Variants in PSD3 observed in about 807,000 individuals in gnomAD.
The protein encoded by PSD3 is pleckstrin and Sec7 domain containing 3, also known as PH and SEC7 domain-containing protein 3.
A neutral mutation model predicts 105.5 loss-of-function variants in PSD3; 49 were observed. The observed-to-expected ratio is 0.46, with a 90% confidence interval of 0.37 to 0.59. The LOEUF (loss-of-function observed/expected upper bound fraction) is 0.59. PSD3 is among the 20% of genes least tolerant of loss of function. PSD3 has a pLI of 0.00. For missense variants in PSD3, 1,561 were observed against 1,263.8 expected (o/e 1.24, Z -3.57); for synonymous variants, 557 against 457.8 (o/e 1.22, Z -2.77).
At chr8:18,563,092 T>A (rs1801502310) in intron 14 of PSD3, among the ~76,000 whole-genome samples, 1 of 152,148 alleles carries the variant, frequency 6.6e-6, no homozygotes, top group South Asian at 2.1e-4. Context: ...GATTACAAGC[T>A]CTTAAAAAGG....
At chr8:18,815,721 C>T (rs1812164209) in intron 4 of PSD3, among the ~76,000 whole-genome samples, 1 of 152,116 alleles carries the variant, frequency 6.6e-6, no homozygotes, top group Non-Finnish European at 1.5e-5. Context: ...TGTCCCTCTC[C>T]TGCTGACACA....
intron 1 of PSD3, among the ~76,000 whole-genome samples, chr8:19,008,236 A>C (rs1826788602): frequency 6.9e-6 from 1 of 145,650 alleles, no homozygotes; most frequent in South Asian, 2.1e-4. Flanking sequence ...TCGGCGAAAC[A>C]TAAAAATCTG....
At chr8:18,791,432 A>G (rs767455760) in intron 8 of PSD3, among the ~76,000 whole-genome samples, 2 of 152,200 alleles carry the variant, frequency 1.3e-5, no homozygotes, top group Non-Finnish European at 1.5e-5. Flanking sequence ...CTGCATGCCT[A>G]CAACCATCTG....
Position 18,528,314 on chromosome 8 carries a change from G to A in PSD3, c.*7429C>T, listed in dbSNP as rs948421076. 4 of 152,216 alleles carry A rather than the reference G, an allele frequency of 2.6e-5. No homozygotes were observed. Among genetic ancestry groups the A allele is most frequent in the African/African-American group, 9.7e-5 (4 of 41,442 alleles). The allele number at this position is 152,216 out of a possible 1,614,324, so 9.4% of individuals were successfully genotyped here. The stretch of plus-strand genomic sequence containing the variant: ...AGCCATTTCCAGGAATCTGGGTGTG[G>A]AGGCAAAGATATCGTCCGTCCGTAG... On this transcript the variant is annotated 3_prime_UTR_variant, in exon 16 of 16. Transcript: ENST00000327040.
At chr8:18,645,230 A>C (rs544833694) in intron 10 of PSD3, among the ~76,000 whole-genome samples, 2 of 152,352 alleles carry the variant, frequency 1.3e-5, no homozygotes, top group East Asian at 3.9e-4. Context: ...ACACCATAGC[A>C]AGAGTCTTCC....
intron 1 of PSD3, among the ~76,000 whole-genome samples, chr8:19,028,196 C>A (rs893410789): frequency 1.3e-5 from 2 of 151,762 alleles, no homozygotes; most frequent in African/African-American, 4.8e-5. Flanking sequence ...TACTGAGCAT[C>A]CATCCTTTCA....
At chr8:19,061,384 C>CTA (rs569177262) in intron 1 of PSD3, among the ~76,000 whole-genome samples, 392 of 152,204 alleles carry the variant, frequency 2.6e-3, no homozygotes, top group African/African-American at 9.2e-3. Flanking sequence ...ACAAAACACG[C>CTA]TATTATTAAC....
intron 1 of PSD3, among the ~76,000 whole-genome samples, chr8:19,070,376 A>G (rs1829213236): frequency 6.6e-6 from 1 of 151,602 alleles, no homozygotes; most frequent in Admixed American, 6.6e-5. Context: ...GTGCAAAAAA[A>G]AAAAAAAAAC....
At chr8:18,836,603 C>A (rs1023552859) in intron 4 of PSD3, among the ~76,000 whole-genome samples, 1 of 152,122 alleles carries the variant, frequency 6.6e-6, no homozygotes, top group African/African-American at 2.4e-5. Context: ...GGGATTAGTT[C>A]CAGGGTCCTT....
intron 14 of PSD3, among the ~76,000 whole-genome samples, chr8:18,566,945 C>G (rs1801809767): frequency 6.6e-6 from 1 of 152,160 alleles, no homozygotes; most frequent in Non-Finnish European, 1.5e-5. Flanking sequence ...GGAAAACACG[C>G]AAACAGATGA....
At chr8:18,959,471 ACT>A in intron 1 of PSD3, among the ~76,000 whole-genome samples, 1 of 151,654 alleles carries the variant, frequency 6.6e-6, no homozygotes, top group Non-Finnish European at 1.5e-5. Context: ...TAAAGCTCAC[ACT>A]CTAGCTCTGC....
At chr8:18,984,576 G>A (rs1825404153) in intron 1 of PSD3, among the ~76,000 whole-genome samples, 2 of 152,100 alleles carry the variant, frequency 1.3e-5, no homozygotes, top group South Asian at 4.1e-4. Context: ...AGCATTTGAA[G>A]GAACAACTTT....
chr8:19,063,912 T>C (rs1436972561), intron 1 of PSD3, among the ~76,000 whole-genome samples: 1 of 152,060 alleles, frequency 6.6e-6, no homozygotes, highest in East Asian at 1.9e-4. Context: ...GAGGCCGAAG[T>C]GGGTGGATCA....
chr8:18,883,809 C>A (rs1235702225), intron 2 of PSD3, among the ~76,000 whole-genome samples: 1 of 152,154 alleles, frequency 6.6e-6, no homozygotes, highest in Admixed American at 6.6e-5. Context: ...GACTATAGTT[C>A]ATCGGATTTT....
Position 18,872,436 on chromosome 8 carries a change from G to C in PSD3, c.428C>G (p.Ala143Gly), listed in dbSNP as rs192399496. The change falls in exon 3 of 16, where the codon GCC becomes GGC. Residue 143 changes from alanine to glycine, a missense_variant. Coordinates refer to ENST00000327040, the MANE Select transcript of PSD3 (RefSeq NM_015310.4). ...CTGTAATGTTCCGGAAATGATTCTG[G>C]CTTCTGTGGCTTTCAGAGCTGAAAT... ...SLISALKATE[A>G]RIISGTLQAT... 1 of 1,614,134 alleles carries C rather than the reference G, an allele frequency of 6.2e-7. No homozygotes were observed. Among genetic ancestry groups the C allele is most frequent in the African/African-American group, 1.3e-5 (1 of 75,018 alleles).
chr8:18,853,244 T>G (rs1484288518), intron 4 of PSD3, among the ~76,000 whole-genome samples: 2 of 152,174 alleles, frequency 1.3e-5, no homozygotes, highest in Non-Finnish European at 2.9e-5. Flanking sequence ...AAATAGGAAC[T>G]TACAATCCAT....
chr8:19,064,006 T>C (rs973634326), intron 1 of PSD3, among the ~76,000 whole-genome samples: 1 of 152,004 alleles, frequency 6.6e-6, no homozygotes, highest in Admixed American at 6.5e-5. Context: ...CCAGGCGTGG[T>C]GGTGCACACC....
intron 12 of PSD3, among the ~76,000 whole-genome samples, chr8:18,593,971 T>C (rs1223560621): frequency 7.9e-5 from 6 of 75,806 alleles, no homozygotes; most frequent in African/African-American, 2.4e-4. Flanking sequence ...CCGGGGCCTG[T>C]TGTGGGGCGG....
intron 9 of PSD3, among the ~76,000 whole-genome samples, chr8:18,746,760 C>G (rs1327456727): frequency 6.6e-6 from 1 of 152,192 alleles, no homozygotes; most frequent in Non-Finnish European, 1.5e-5. Flanking sequence ...TTACAAAATA[C>G]TTAATTTGTA....
Sources: allele counts gnomAD v4.1 joint callset (sites outside exome capture counted in the v4.1 genomes callset), GRCh38; gene constraint gnomAD v4.1.1; transcripts MANE v1.5; gene names NCBI Gene and HGNC (gene_info 2026-07-23, HGNC 2026-07-21).